SYNPR: variants seen among roughly 807,000 people sequenced by gnomAD.
SYNPR encodes synaptoporin.
A neutral mutation model predicts 32.9 loss-of-function variants in SYNPR; 23 were observed. The observed-to-expected ratio is 0.70, with a 90% CI of 0.50 to 0.99. The LOEUF is 0.99. SYNPR is among the 50% of genes least tolerant of loss of function. The probability of loss-of-function intolerance (pLI) is 0.00; values close to 1 mark genes in which losing one functional copy is unlikely to be tolerated. For synonymous variants in SYNPR, 146 were observed against 135.9 expected (o/e 1.07, Z -0.52); for missense variants, 318 against 349.3 (o/e 0.91, Z 0.71).
rs1185929656 is a variant in SYNPR at position 63,310,639 on chromosome 3, G to A, written c.84+31897G>A. ...GAAGAATATCTTTCCTTGCTCCAAG[G>A]CCTCAGAAAAATATTCATGCTGTCC... On this transcript the variant is annotated intron_variant, in intron 2 of 5. Transcript: ENST00000478300. Among the ~76,000 whole-genome samples, 6 of 151,936 alleles carry A rather than the reference G, an allele frequency of 3.9e-5. No individual in the cohort carries two copies. In the East Asian group the frequency reaches 1.2e-3, roughly 30 times the overall value.
intron 2 of SYNPR, among the ~76,000 whole-genome samples, chr3:63,465,015 A>G (rs1700651520): frequency 6.6e-6 from 1 of 152,270 alleles, no homozygotes. Context: ...TCCACTTATC[A>G]CTGGTACTCA....
chr3:63,244,665 A>G (rs902200669), intron 1 of SYNPR, among the ~76,000 whole-genome samples: 4 of 152,094 alleles, frequency 2.6e-5, no homozygotes, highest in African/African-American at 9.7e-5. Context: ...CTTCTTTCCA[A>G]TGATAGCCCT....
intron 3 of SYNPR, among the ~76,000 whole-genome samples, chr3:63,269,269 A>G (rs1179693142): frequency 6.6e-6 from 1 of 152,156 alleles, no homozygotes; most frequent in Non-Finnish European, 1.5e-5. Context: ...TGGATGGATC[A>G]CTAGAGGCCA....
intron 2 of SYNPR, among the ~76,000 whole-genome samples, chr3:63,411,930 G>C (rs573003748): frequency 6.6e-6 from 1 of 152,190 alleles, no homozygotes; most frequent in Admixed American, 6.6e-5. Context: ...ACCATAGTAG[G>C]AACAGTGGAT....
At chr3:63,527,900 C>T (rs1262148638) in intron 3 of SYNPR, among the ~76,000 whole-genome samples, 2 of 152,118 alleles carry the variant, frequency 1.3e-5, no homozygotes, top group Admixed American at 1.3e-4. Flanking sequence ...TAACATTCTA[C>T]TTAATTTTGT....
At chr3:63,206,834 A>C in the SYNPR span, among the ~76,000 whole-genome samples, 1 of 152,240 alleles carries the variant, frequency 6.6e-6, no homozygotes, top group Non-Finnish European at 1.5e-5. Flanking sequence ...TGGGCCAATC[A>C]AATTCTCTAT....
intron 4 of SYNPR, among the ~76,000 whole-genome samples, chr3:63,601,246 C>G (rs1253503964): frequency 1.3e-5 from 2 of 150,202 alleles, no homozygotes; most frequent in African/African-American, 4.9e-5. Context: ...GCACTCCAGC[C>G]TGGGCAACAA....
chr3:63,242,188 T>A (rs1045454070), intron 1 of SYNPR, among the ~76,000 whole-genome samples: 2 of 151,972 alleles, frequency 1.3e-5, no homozygotes, highest in Non-Finnish European at 2.9e-5. Flanking sequence ...TTTCCAGAAA[T>A]GGAAAGCAAA....
intron 2 of SYNPR, among the ~76,000 whole-genome samples, chr3:63,459,056 T>C (rs1452130761): frequency 6.6e-6 from 1 of 152,016 alleles, no homozygotes; most frequent in African/African-American, 2.4e-5. Context: ...TGTTCTTTCA[T>C]TCAAGACTTC....
chr3:63,320,665 C>G (rs963521950), intron 2 of SYNPR, among the ~76,000 whole-genome samples: 14 of 152,098 alleles, frequency 9.2e-5, no homozygotes, highest in Non-Finnish European at 2.1e-4. Context: ...AATGAATAAA[C>G]TTTTATTAAC....
intron 2 of SYNPR, among the ~76,000 whole-genome samples, chr3:63,303,161 C>G (rs1023422842): frequency 6.6e-6 from 1 of 151,646 alleles, no homozygotes; most frequent in African/African-American, 2.4e-5. Flanking sequence ...AATATTCTAC[C>G]TGGTAATTCT....
chr3:63,369,465 G>C (rs950433357), intron 2 of SYNPR, among the ~76,000 whole-genome samples: 1 of 152,146 alleles, frequency 6.6e-6, no homozygotes, highest in Non-Finnish European at 1.5e-5. Context: ...AAAATCAATT[G>C]AAAAGTTAAA....
intron 2 of SYNPR, among the ~76,000 whole-genome samples, chr3:63,416,858 C>T (rs1391486766): frequency 6.6e-6 from 1 of 152,126 alleles, no homozygotes; most frequent in African/African-American, 2.4e-5. Context: ...CCCCATGATT[C>T]AATTACCTCC....
intron 3 of SYNPR, among the ~76,000 whole-genome samples, chr3:63,501,475 TC>T (rs1225360585): frequency 1.9e-5 from 2 of 107,534 alleles, no homozygotes; most frequent in Non-Finnish European, 3.5e-5. Context: ...AGCTACTCTG[TC>T]CCCCACCCTC....
At chr3:63,374,731 A>C (rs530708003) in intron 2 of SYNPR, among the ~76,000 whole-genome samples, 51 of 152,212 alleles carry the variant, frequency 3.4e-4, no homozygotes, top group Non-Finnish European at 7.2e-4. Context: ...AGAGCCTAAC[A>C]TCAAATTTGC....
intron 2 of SYNPR, among the ~76,000 whole-genome samples, chr3:63,347,193 A>G (rs2087448820): frequency 6.6e-6 from 1 of 152,340 alleles, no homozygotes; most frequent in Admixed American, 6.5e-5. Flanking sequence ...ATTTTCTTAA[A>G]CAACTATTTT....
At chr3:63,514,630 C>G (rs909952711) in intron 3 of SYNPR, among the ~76,000 whole-genome samples, 1 of 152,070 alleles carries the variant, frequency 6.6e-6, no homozygotes, top group African/African-American at 2.4e-5. Context: ...ATTAGAATCA[C>G]TAATATATAT....
intron 3 of SYNPR, among the ~76,000 whole-genome samples, chr3:63,514,162 G>A (rs1380269033): frequency 1.3e-5 from 2 of 152,166 alleles, no homozygotes; most frequent in Admixed American, 6.6e-5. Flanking sequence ...GCACACAAAT[G>A]TGTTTGGTGC....
intron 3 of SYNPR, among the ~76,000 whole-genome samples, chr3:63,483,914 C>A (rs1272695603): frequency 6.6e-6 from 1 of 152,160 alleles, no homozygotes; most frequent in Non-Finnish European, 1.5e-5. Flanking sequence ...TAAGAACATT[C>A]AGTAGCTTTT....
Sources: allele counts gnomAD v4.1 joint callset (sites outside exome capture counted in the v4.1 genomes callset), GRCh38; gene constraint gnomAD v4.1.1; transcripts MANE v1.5; gene names NCBI Gene and HGNC (gene_info 2026-07-23, HGNC 2026-07-21).